The following TUT7 variants were observed in gnomAD, a reference collection of about 807,000 sequenced individuals.
TUT7 encodes the protein terminal uridylyl transferase 7, also known as terminal uridylyltransferase 7.
TUT7 carries 33 observed loss-of-function variants against 165.9 expected under a neutral mutation model. The observed-to-expected ratio is 0.20, with a 90% CI of 0.15 to 0.27. The LOEUF is 0.27. Among genes scored for constraint, TUT7 ranks in the 10% least tolerant of loss-of-function variants. The pLI, the probability that TUT7 is intolerant of heterozygous loss-of-function variation, is 1.00. For synonymous variants in TUT7, 552 were observed against 608.1 expected (o/e 0.91, Z 1.36); for missense variants, 1,338 against 1,762.3 (o/e 0.76, Z 4.31).
At chr9:86,302,632 T>C (rs1407092572) in intron 25 of TUT7, among the ~76,000 whole-genome samples, 2 of 147,358 alleles carry the variant, frequency 1.4e-5, no homozygotes, top group Non-Finnish European at 3.0e-5. Flanking sequence ...TTTTTTTTTT[T>C]CTGAGACAGA....
At chr9:86,346,889 C>G (rs1353244258) in intron 2 of TUT7, among the ~76,000 whole-genome samples, 1 of 152,036 alleles carries the variant, frequency 6.6e-6, no homozygotes, top group Non-Finnish European at 1.5e-5. Flanking sequence ...TGTAAGTACA[C>G]CTGTTATTCT....
chr9:86,343,027 GA>G (rs1167297667), intron 6 of TUT7, 47 bp downstream of exon 6: 5 of 1,224,522 alleles, frequency 4.1e-6, no homozygotes, highest in African/African-American at 1.5e-5. Context: ...TTGTAAGAAA[GA>G]ATTTCCATAC....
At chr9:86,333,386 G>C (rs556471256) in intron 10 of TUT7, among the ~76,000 whole-genome samples, 16 of 152,104 alleles carry the variant, frequency 1.1e-4, no homozygotes, top group Non-Finnish European at 2.2e-4. Flanking sequence ...TTTCAACCTT[G>C]ACTAACTGAC....
intron 26 of TUT7, among the ~76,000 whole-genome samples, chr9:86,292,827 GTTA>G (rs763774944): frequency 3.9e-5 from 6 of 151,984 alleles, no homozygotes; most frequent in Non-Finnish European, 7.4e-5. Context: ...AGGTAAGTTA[GTTA>G]TTGTTATACT....
intron 11 of TUT7, among the ~76,000 whole-genome samples, 172 bp downstream of exon 11, chr9:86,328,168 A>G (rs917203874): frequency 5.9e-5 from 9 of 152,202 alleles, no homozygotes; most frequent in Non-Finnish European, 8.8e-5. Context: ...TAGTGATCTA[A>G]TATTTTTTTT....
intron 15 of TUT7, 60 bp downstream of exon 15, chr9:86,319,524 G>A (rs534381124): frequency 8.5e-7 from 1 of 1,170,780 alleles, no homozygotes; most frequent in Non-Finnish European, 1.2e-6. Flanking sequence ...TGTAACACAT[G>A]AACTGATTTG....
Position 86,345,179 on chromosome 9 carries a change from A to T in TUT7, c.820-25T>A, listed in dbSNP as rs759437269. ...CCTTTTAAGATCAAATGTTGAGATTAAAAATGACTTACACATAGTTTTGAC... is the reference window on the plus strand; with the variant it reads ...CCTTTTAAGATCAAATGTTGAGATTTAAAATGACTTACACATAGTTTTGAC... On this transcript the variant is annotated intron_variant, in intron 4 of 26. Coordinates refer to ENST00000375963, the MANE Select transcript of TUT7 (RefSeq NM_024617.4). The T allele has an allele frequency of 1.2e-5, 19 of 1,591,412 alleles. No individual in the cohort carries two copies. The African/African-American group carries it at 2.4e-4, about 20-fold the overall frequency.
At chr9:86,309,045 G>C (rs929706594) in intron 21 of TUT7, among the ~76,000 whole-genome samples, 167 bp downstream of exon 21, 8 of 152,110 alleles carry the variant, frequency 5.3e-5, no homozygotes, top group Non-Finnish European at 8.8e-5. Context: ...ACTTGGCTTA[G>C]TAAAAATATT....
chr9:86,312,077 G>A (rs1339310838), intron 17 of TUT7, among the ~76,000 whole-genome samples: 3 of 151,980 alleles, frequency 2.0e-5, no homozygotes, highest in Admixed American at 6.5e-5. Flanking sequence ...GTGCCTGGCC[G>A]CCCATCGTCT....
chr9:86,351,332 G>A (rs1408920909), intron 2 of TUT7, among the ~76,000 whole-genome samples: 3 of 151,994 alleles, frequency 2.0e-5, no homozygotes, highest in Non-Finnish European at 4.4e-5. Flanking sequence ...GCTACTTTGG[G>A]GGATGAGACA....
At chr9:86,325,710 A>G (rs1193818370) in intron 11 of TUT7, among the ~76,000 whole-genome samples, 196 bp from the exon 12 acceptor site, 1 of 152,250 alleles carries the variant, frequency 6.6e-6, no homozygotes, top group Non-Finnish European at 1.5e-5. Context: ...CTGCACTATT[A>G]GGATTAGAGT....
chr9:86,339,182 T>C (rs1488206509), intron 8 of TUT7, among the ~76,000 whole-genome samples: 1 of 152,198 alleles, frequency 6.6e-6, no homozygotes, highest in Non-Finnish European at 1.5e-5. Context: ...ATTAATAATT[T>C]TGTTTTCAAA....
At chr9:86,307,003 C>T (rs1311911419) in intron 22 of TUT7, among the ~76,000 whole-genome samples, 1 of 152,166 alleles carries the variant, frequency 6.6e-6, no homozygotes, top group Non-Finnish European at 1.5e-5. Context: ...GGCACAGTGG[C>T]TCACGCCTGT....
intron 5 of TUT7, 80 bp downstream of exon 5, chr9:86,344,897 T>C (rs879476795): frequency 1.2e-5 from 15 of 1,286,070 alleles, no homozygotes; most frequent in African/African-American, 3.1e-5. Flanking sequence ...AAATTTTTAT[T>C]TGATGAAAAT....
At chr9:86,337,204 A>C (rs1302345249) in intron 10 of TUT7, 2 of 501,160 alleles carry the variant, frequency 4.0e-6, no homozygotes, top group African/African-American at 4.1e-5. Context: ...GCAGTCTAGA[A>C]AGGTAATAAT....
chr9:86,345,801 A>T lies in TUT7; in HGVS notation c.703-16T>A. 6.5e-7 allele frequency: 1 copy of T among 1,542,416 alleles called. No individual in the cohort carries two copies. The highest frequency in any genetic ancestry group is 8.9e-7 in the Non-Finnish European group (1 of 1,121,946). The stretch of plus-strand genomic sequence containing the variant: ...TTCGTGGTCGCTATAATTTGAAGAG[A>T]TTTATTTAGAGAGAGACATAAGTAA... On this transcript the variant is annotated splice_polypyrimidine_tract_variant and intron_variant, in intron 3 of 26. Coordinates refer to ENST00000375963, the MANE Select transcript of TUT7 (RefSeq NM_024617.4).
intron 22 of TUT7, 26 bp downstream of exon 22, chr9:86,308,403 G>T: frequency 1.9e-6 from 3 of 1,594,326 alleles, no homozygotes; most frequent in South Asian, 2.3e-5. Context: ...TAGTCTATTC[G>T]ACTTCAAGTT....
intron 24 of TUT7, among the ~76,000 whole-genome samples, chr9:86,303,522 A>C (rs1827151726): frequency 6.6e-6 from 1 of 152,222 alleles, no homozygotes; most frequent in Non-Finnish European, 1.5e-5. Context: ...GAGGCCAGGT[A>C]CACAGGCTTT....
At chr9:86,316,701 CT>C (rs1337215751) in intron 17 of TUT7, among the ~76,000 whole-genome samples, 1 of 152,210 alleles carries the variant, frequency 6.6e-6, no homozygotes, top group African/African-American at 2.4e-5. Context: ...ATTCCTCAGT[CT>C]TTCATACTTA....
Sources: allele counts gnomAD v4.1 joint callset (sites outside exome capture counted in the v4.1 genomes callset), GRCh38; gene constraint gnomAD v4.1.1; transcripts MANE v1.5; gene names NCBI Gene and HGNC (gene_info 2026-07-23, HGNC 2026-07-21).